Variants in SPTA1 observed in about 807,000 individuals in gnomAD.
SPTA1 encodes the protein spectrin alpha, erythrocytic 1.
In SPTA1, 177 loss-of-function variants were observed where a neutral mutation model predicts 324.7. That is an observed-to-expected ratio of 0.55 (90% confidence interval 0.48 to 0.62). The LOEUF (loss-of-function observed/expected upper bound fraction) is 0.62. SPTA1 is among the 20% of genes least tolerant of loss of function. The probability of loss-of-function intolerance (pLI) is 0.00; values close to 1 mark genes in which losing one functional copy is unlikely to be tolerated. For synonymous variants in SPTA1, 1,195 were observed against 1,041.3 expected, an observed-to-expected ratio of 1.15 and a Z score of -2.84; for missense variants, 3,162 against 2,883.6, an observed-to-expected ratio of 1.10 and a Z score of -2.21.
chr1:158,680,795 A>G lies in SPTA1; in HGVS notation c.532-66T>C, dbSNP rs1395882052. 1.1e-5 allele frequency: 17 copies of G among 1,597,826 alleles called. No individual in the cohort carries two copies. In the Admixed American group the frequency reaches 2.7e-4, roughly 25 times the overall value. ...AGGAGTTTCTGTAGGTCAAAAACTC[A>G]AAACTCCTGCTTGCATTCCCAGGAT... On this transcript the variant is annotated intron_variant, in intron 4 of 51. Transcript: ENST00000643759.
In SPTA1 at chr1:158,612,964, G is replaced by A. The variant is rs1363128101; in HGVS notation, c.6990-3C>T. On this transcript the variant is annotated splice_region_variant and splice_polypyrimidine_tract_variant and intron_variant, in intron 50 of 51. Transcript: ENST00000643759. ...CCTCCAGTGAGACATAGCCCTTCCT[G>A]TGGGAGAAATGGATCAGGAGCTGAG... is the stretch of plus-strand genomic sequence containing the variant. 2 of 1,613,710 alleles carry A rather than the reference G, an allele frequency of 1.2e-6. No homozygotes were observed. The highest frequency in any genetic ancestry group is 3.3e-4 in the Middle Eastern group (2 of 6,010).
At chr1:158,648,874 A>C (rs1652204420) in intron 25 of SPTA1, among the ~76,000 whole-genome samples, 1 of 151,774 alleles carries the variant, frequency 6.6e-6, no homozygotes, top group South Asian at 2.1e-4. Flanking sequence ...CCCATTAAAT[A>C]GATCAGAAAA....
chr1:158,675,033 C>T (rs775692444), intron 8 of SPTA1, among the ~76,000 whole-genome samples: 11 of 152,066 alleles, frequency 7.2e-5, no homozygotes, highest in Non-Finnish European at 1.2e-4. Flanking sequence ...TAAGAATCAC[C>T]TTATGGGAAG....
chr1:158,677,116 C>A (rs1389874890), intron 7 of SPTA1, among the ~76,000 whole-genome samples: 2 of 152,050 alleles, frequency 1.3e-5, no homozygotes. Flanking sequence ...GTTCTGGCTA[C>A]ATTTGTGAGG....
chr1:158,642,778 T>A, intron 32 of SPTA1, 36 bp downstream of exon 32: 1 of 1,613,718 alleles, frequency 6.2e-7, no homozygotes, highest in Non-Finnish European at 8.5e-7. Flanking sequence ...AAGCTCGGAA[T>A]GGTGAAATTT....
chr1:158,611,535 T>A, intron 51 of SPTA1, 146 bp from the exon 52 acceptor site: 5 of 816,932 alleles, frequency 6.1e-6, no homozygotes, highest in Non-Finnish European at 9.4e-6. Flanking sequence ...AATTTTTATC[T>A]CATAAATTTA....
At position 158,645,579 on chromosome 1, in the gene SPTA1, C is replaced by A; in HGVS notation, c.3912G>T (p.Trp1304Cys). The A allele has an allele frequency of 1.9e-6, 3 of 1,613,974 alleles. No individual in the cohort carries two copies. Among genetic ancestry groups the A allele is most frequent in the South Asian group, 2.2e-5 (2 of 91,084 alleles). The part of the protein sequence containing the change: ...FLSKARDLQN[W>C]ISSIGGMVSS... ...ATACCATGCCACCAATGCTACTGATCCAGTTCTGCAGATCCCTAGATAAAC... is the reference window on the plus strand; with the variant it reads ...ATACCATGCCACCAATGCTACTGATACAGTTCTGCAGATCCCTAGATAAAC... Residue 1304 changes from tryptophan to cysteine, a missense_variant, in exon 28 of 52, where the codon TGG becomes TGT. Trp to Cys is a radical substitution (Grantham distance 215). Coordinates refer to ENST00000643759, the MANE Select transcript of SPTA1 (RefSeq NM_003126.4).
At chr1:158,682,327 G>A (rs1028374637) in intron 3 of SPTA1, among the ~76,000 whole-genome samples, 11 of 152,182 alleles carry the variant, frequency 7.2e-5, no homozygotes, top group South Asian at 4.2e-4. Flanking sequence ...CACATATGTC[G>A]TTAAACCCCG....
At position 158,626,176 on chromosome 1, in the gene SPTA1, A is replaced by G; in HGVS notation, c.5880T>C (p.Leu1960=). 1 of 1,613,804 alleles carries G rather than the reference A, an allele frequency of 6.2e-7. No individual in the cohort carries two copies. Among genetic ancestry groups the G allele is most frequent in the Middle Eastern group, 1.7e-4 (1 of 6,058 alleles). ...SLKTNGNGAD[L]GDFLTLLAKQ... ...TTGCCAGAAGAGTGAGGAAGTCACC[A>G]AGGTCTGCACCATTGCCATTGGTCT... The change falls in exon 42 of 52, where the codon CTT becomes CTC. Residue 1960 remains leucine, a synonymous_variant. Coordinates refer to ENST00000643759, the MANE Select transcript of SPTA1 (RefSeq NM_003126.4).
At chr1:158,652,739 G>A in intron 22 of SPTA1, 86 bp from the exon 23 acceptor site, 1 of 1,438,530 alleles carries the variant, frequency 7.0e-7, no homozygotes, top group Admixed American at 1.9e-5. Flanking sequence ...GAGAAAGAAG[G>A]AACAAAAATG....
chr1:158,680,485 A>G (rs1026005320), intron 5 of SPTA1, 98 bp downstream of exon 5: 6 of 1,551,408 alleles, frequency 3.9e-6, no homozygotes, highest in Non-Finnish European at 4.4e-6. Context: ...GTTTTCTCAC[A>G]ATGCCCCATC....
chr1:158,647,553 GAA>G lies in SPTA1; in HGVS notation c.3880_3881del (p.Phe1294ProfsTer13). The G allele has an allele frequency of 6.2e-7, 1 of 1,613,384 alleles. No individual in the cohort carries two copies. Among genetic ancestry groups the G allele is most frequent in the Non-Finnish European group, 8.5e-7 (1 of 1,179,866 alleles). ...SLNEAQKFYL[F>X]LSKARDLQNW... Reference sequence around the variant, plus strand: ...CCCCACTCTACCTGGCCTTGCTGAGGAACAGGTAGAATTTCTGGGCCTCATTT... The same window carrying G: ...CCCCACTCTACCTGGCCTTGCTGAGGCAGGTAGAATTTCTGGGCCTCATTT... On this transcript the variant is annotated frameshift_variant, in exon 27 of 52. Transcript: ENST00000643759. LOFTEE classifies it high-confidence loss of function.
In SPTA1 at chr1:158,614,305, C is replaced by A; in HGVS notation, c.6790G>T (p.Asp2264Tyr). The A allele has an allele frequency of 6.4e-7, 1 of 1,552,814 alleles. No homozygotes were observed. Among genetic ancestry groups the A allele is most frequent in the Non-Finnish European group, 8.7e-7 (1 of 1,143,742 alleles). ...HNLEQQIQAK[D>Y]IKGVSEETLK... ...GTCTCTTCACTCACACCTTTGATGT[C>A]CCTGAAAGAAAAAAAAAAAACATGA... Residue 2264 changes from aspartate (D) to tyrosine (Y), a missense_variant and splice_region_variant, in exon 49 of 52, where the codon GAC (aspartate) becomes TAC (tyrosine). By Grantham distance (160) the Asp-to-Tyr change is radical. Transcript: ENST00000643759.
chr1:158,662,761 G>C lies in SPTA1; in HGVS notation c.2405C>G (p.Thr802Arg). The C allele has an allele frequency of 6.2e-7, 1 of 1,614,026 alleles. No homozygotes were observed. Among genetic ancestry groups the C allele is most frequent in the Non-Finnish European group, 8.5e-7 (1 of 1,179,978 alleles). Residue 802 changes from threonine to arginine, a missense_variant, in exon 17 of 52, where the codon ACA becomes AGA. Thr to Arg is a moderately conservative substitution (Grantham distance 71). Transcript: ENST00000643759. ...LLHLQLICRD[T>R]EDEEAWIQET... The stretch of plus-strand genomic sequence containing the variant: ...TTGGATCCAGGCCTCCTCATCCTCT[G>C]TGTCTCTACAAATCAGCTGCAGATG...
rs781053335 is a variant in SPTA1 at position 158,676,217 on chromosome 1, C to A, written c.1036G>T (p.Glu346Ter). ...SDAPQIQEMK[E>*]DLVSSWEHIR... ...TGCTCCCAGCTGGAGACCAGATCTT[C>A]TTTCATCTCCTGGATCTGAGGTGCA... Residue 346 changes from glutamate (E) to a stop codon, truncating the protein, a stop_gained, in exon 8 of 52, where the codon GAA becomes TAA. Transcript: ENST00000643759. LOFTEE classifies it high-confidence loss of function. The A allele has an allele frequency of 6.2e-7, 1 of 1,613,782 alleles. No individual in the cohort carries two copies. Among genetic ancestry groups the A allele is most frequent in the South Asian group, 1.1e-5 (1 of 91,074 alleles).
chr1:158,662,654 A>G, intron 17 of SPTA1, 48 bp downstream of exon 17: 1 of 1,612,324 alleles, frequency 6.2e-7, no homozygotes, highest in African/African-American at 1.3e-5. Flanking sequence ...CTCAATATAT[A>G]GACCTTGGTC....
chr1:158,611,671 C>T, intron 51 of SPTA1: 2 of 325,548 alleles, frequency 6.1e-6, no homozygotes, highest in Middle Eastern at 9.9e-4. Flanking sequence ...GAATTATATG[C>T]CTAACAACAT....
At chr1:158,676,060 C>G in intron 8 of SPTA1, 81 bp downstream of exon 8, 1 of 1,592,842 alleles carries the variant, frequency 6.3e-7, no homozygotes, top group Non-Finnish European at 8.6e-7. Context: ...ATTTGACTCC[C>G]TTTACTCTTA....
At chr1:158,646,894 T>C (rs1418086027) in intron 27 of SPTA1, among the ~76,000 whole-genome samples, 3 of 152,150 alleles carry the variant, frequency 2.0e-5, no homozygotes, top group African/African-American at 7.2e-5. Flanking sequence ...AAAGTATATG[T>C]TTGAGAGGTG....
Sources: allele counts gnomAD v4.1 joint callset (sites outside exome capture counted in the v4.1 genomes callset), GRCh38; gene constraint gnomAD v4.1.1; transcripts MANE v1.5; gene names NCBI Gene and HGNC (gene_info 2026-07-23, HGNC 2026-07-21).